Variants in GPC5 observed in about 807,000 individuals in gnomAD.
GPC5 encodes glypican-5.
In GPC5, 47 loss-of-function variants were observed where a neutral mutation model predicts 53.9. The observed-to-expected ratio is 0.87, with a 90% CI of 0.69 to 1.11. The LOEUF (loss-of-function observed/expected upper bound fraction) is 1.11, where lower values mean the gene tolerates loss of function less well. Among genes scored for constraint, GPC5 ranks in the 50% most tolerant of loss-of-function variants. GPC5 has a pLI of 0.00. For synonymous variants in GPC5, 286 were observed against 263.3 expected (o/e 1.09, Z -0.84); for missense variants, 748 against 713.1 (o/e 1.05, Z -0.56).
intron 7 of GPC5, among the ~76,000 whole-genome samples, chr13:92,310,768 T>C (rs950108471): frequency 6.6e-6 from 1 of 152,226 alleles, no homozygotes; most frequent in African/African-American, 2.4e-5. Flanking sequence ...TAAATAGGTA[T>C]ACAAAGCATT....
intron 6 of GPC5, among the ~76,000 whole-genome samples, chr13:92,046,043 G>A (rs111485605): frequency 0.018 from 2,674 of 151,882 alleles, 88 homozygotes; most frequent in African/African-American, 0.061. Flanking sequence ...CCCGGGAGGC[G>A]GCAGTTGCAG....
At chr13:92,468,712 A>G (rs1878797049) in intron 7 of GPC5, among the ~76,000 whole-genome samples, 1 of 152,252 alleles carries the variant, frequency 6.6e-6, no homozygotes, top group Non-Finnish European at 1.5e-5. Flanking sequence ...GTGTTTTTAG[A>G]TGGAAACTGG....
chr13:92,381,897 A>ATCATATATATGATTATATAT (rs1218262542), intron 7 of GPC5, among the ~76,000 whole-genome samples: 2 of 101,336 alleles, frequency 2.0e-5, no homozygotes, highest in African/African-American at 7.4e-5. Context: ...TATTATATAT[A>ATCATATATATGATTATATAT]ATCATATATA....
chr13:92,843,931 G>C (rs915697350), intron 7 of GPC5, among the ~76,000 whole-genome samples: 1 of 151,366 alleles, frequency 6.6e-6, no homozygotes, highest in Admixed American at 6.6e-5. Flanking sequence ...CATATGTCAC[G>C]ATTTACCCAG....
chr13:91,975,630 G>A (rs1239967581), intron 6 of GPC5, among the ~76,000 whole-genome samples: 2 of 152,214 alleles, frequency 1.3e-5, no homozygotes, highest in Non-Finnish European at 2.9e-5. Flanking sequence ...AACAGGTGCT[G>A]GAGAGGATGT....
chr13:92,620,419 C>A (rs1321603739), intron 7 of GPC5, among the ~76,000 whole-genome samples: 2 of 152,134 alleles, frequency 1.3e-5, no homozygotes, highest in East Asian at 3.8e-4. Context: ...CATCAGAGTT[C>A]TCCAGGAAGG....
At chr13:91,474,872 T>C (rs555161517) in intron 2 of GPC5, among the ~76,000 whole-genome samples, 3 of 152,258 alleles carry the variant, frequency 2.0e-5, no homozygotes, top group Admixed American at 1.3e-4. Flanking sequence ...ACTTATTGGA[T>C]ATTTACTATG....
At chr13:92,044,173 T>C (rs1377267772) in intron 6 of GPC5, among the ~76,000 whole-genome samples, 1 of 152,232 alleles carries the variant, frequency 6.6e-6, no homozygotes, top group Admixed American at 6.5e-5. Flanking sequence ...CTTTGTCACC[T>C]ATTCTTAACC....
chr13:92,552,649 T>G (rs1882358082), intron 7 of GPC5, among the ~76,000 whole-genome samples: 1 of 151,918 alleles, frequency 6.6e-6, no homozygotes. Context: ...CTGCATTGAT[T>G]TCTCCACTCA....
chr13:91,730,744 G>A (rs1456066717), intron 4 of GPC5, among the ~76,000 whole-genome samples: 1 of 152,050 alleles, frequency 6.6e-6, no homozygotes, highest in Non-Finnish European at 1.5e-5. Context: ...TCTGTAAATG[G>A]GCTAGAGCAA....
intron 7 of GPC5, among the ~76,000 whole-genome samples, chr13:92,294,747 G>A (rs2043021585): frequency 6.7e-6 from 1 of 149,490 alleles, no homozygotes; most frequent in African/African-American, 2.5e-5. Flanking sequence ...GTTTGGGTTT[G>A]GTTTGTTCTT....
chr13:91,639,339 G>A (rs538305354), intron 2 of GPC5, among the ~76,000 whole-genome samples: 2 of 152,142 alleles, frequency 1.3e-5, no homozygotes, highest in African/African-American at 4.8e-5. Context: ...CAGAGTAGAG[G>A]GCCCATGAAG....
intron 7 of GPC5, among the ~76,000 whole-genome samples, chr13:92,342,364 T>A (rs1330165850): frequency 2.6e-5 from 4 of 152,170 alleles, no homozygotes; most frequent in African/African-American, 9.7e-5. Context: ...ACGGTCTAAA[T>A]GTTTGTGTAT....
intron 5 of GPC5, among the ~76,000 whole-genome samples, chr13:91,764,593 G>A (rs1418401030): frequency 1.3e-5 from 2 of 152,178 alleles, no homozygotes; most frequent in East Asian, 3.9e-4. Flanking sequence ...AAAATGTCCA[G>A]TCCAACCTAA....
chr13:91,770,626 G>A (rs765896817), intron 5 of GPC5, among the ~76,000 whole-genome samples: 11 of 151,822 alleles, frequency 7.2e-5, no homozygotes, highest in Non-Finnish European at 1.5e-4. Context: ...ATGGGGTCAA[G>A]GACCAAATAT....
intron 6 of GPC5, among the ~76,000 whole-genome samples, chr13:92,136,530 T>A (rs1321429977): frequency 6.6e-6 from 1 of 152,208 alleles, no homozygotes; most frequent in Admixed American, 6.5e-5. Context: ...AGTGCATATT[T>A]TACCATGTTT....
At chr13:92,763,314 G>A (rs1024159997) in intron 7 of GPC5, among the ~76,000 whole-genome samples, 1 of 152,094 alleles carries the variant, frequency 6.6e-6, no homozygotes, top group Non-Finnish European at 1.5e-5. Flanking sequence ...GGAAGGCCAT[G>A]GTGGCTGATT....
intron 7 of GPC5, among the ~76,000 whole-genome samples, chr13:92,737,746 T>C (rs1284741562): frequency 7.1e-6 from 1 of 141,780 alleles, no homozygotes; most frequent in Non-Finnish European, 1.5e-5. Flanking sequence ...CATATTTTCT[T>C]TCTTTTTTTT....
chr13:92,696,706 A>AT (rs1319010045), intron 7 of GPC5, among the ~76,000 whole-genome samples: 3 of 152,168 alleles, frequency 2.0e-5, no homozygotes, highest in African/African-American at 7.2e-5. Context: ...GTGTAATAAG[A>AT]TCCCATTTAT....
Sources: gnomAD v4.1 joint callset for allele counts (sites outside exome capture counted in the v4.1 genomes callset) on GRCh38, gnomAD v4.1.1 for gene constraint, MANE v1.5 for transcripts, NCBI Gene and HGNC (gene_info 2026-07-23, HGNC 2026-07-21) for gene names.